PTPRD: variants seen among roughly 807,000 people sequenced by gnomAD.
PTPRD encodes the protein receptor-type tyrosine-protein phosphatase delta.
In PTPRD, 34 loss-of-function variants were observed where a neutral mutation model predicts 214.5. The ratio of observed to expected loss-of-function variants is 0.16; its 90% CI spans 0.12 to 0.21. PTPRD has a LOEUF of 0.21. Ranked by LOEUF, PTPRD falls within the 10% of genes least tolerant of loss-of-function variation. The pLI, the probability that PTPRD is intolerant of heterozygous loss-of-function variation, is 1.00. For missense variants in PTPRD, 2,545 were observed against 2,398.7 expected (o/e 1.06, Z -1.27); for synonymous variants, 1,128 against 845.7 (o/e 1.33, Z -5.79).
chr9:9,937,974 A>T (rs1330146604), intron 5 of PTPRD, among the ~76,000 whole-genome samples: 4 of 152,148 alleles, frequency 2.6e-5, no homozygotes, highest in Non-Finnish European at 4.4e-5. Flanking sequence ...GGAGGCAGAG[A>T]TCTTACCTCT....
intron 2 of PTPRD, among the ~76,000 whole-genome samples, chr9:10,464,112 A>G (rs2098977158): frequency 6.6e-6 from 1 of 152,020 alleles, no homozygotes; most frequent in Non-Finnish European, 1.5e-5. Flanking sequence ...AGAAAGAAAA[A>G]TGTGGCCATG....
chr9:9,816,093 T>C (rs549660354), intron 5 of PTPRD, among the ~76,000 whole-genome samples: 1 of 152,154 alleles, frequency 6.6e-6, no homozygotes, highest in Non-Finnish European at 1.5e-5. Context: ...TATTCACCTA[T>C]CATATCACCA....
chr9:10,492,039 G>T (rs147922857), intron 2 of PTPRD, among the ~76,000 whole-genome samples: 1 of 152,234 alleles, frequency 6.6e-6, no homozygotes, highest in East Asian at 1.9e-4. Flanking sequence ...CAAAGGATGT[G>T]AACTCATTGT....
intron 3 of PTPRD, among the ~76,000 whole-genome samples, chr9:10,078,515 A>G (rs1295216056): frequency 6.0e-5 from 5 of 83,484 alleles, no homozygotes; most frequent in South Asian, 3.5e-4. Flanking sequence ...GACTCCATCT[A>G]AAAAAAAAAA....
intron 7 of PTPRD, among the ~76,000 whole-genome samples, chr9:9,663,125 T>G (rs1417738648): frequency 6.6e-6 from 1 of 151,550 alleles, no homozygotes; most frequent in African/African-American, 2.4e-5. Context: ...CATGTAGATA[T>G]TATAGTTAGC....
In PTPRD at chr9:10,193,143, G is replaced by A. The variant is rs76768182; in HGVS notation, c.-545+147820C>T. ...CCCTCCTTTATCAACCCCCTTCCCC[G>A]TTAAATGATCTCTGGTCTTTAGAGA... On this transcript the variant is annotated intron_variant, in intron 3 of 45. Transcript: ENST00000381196. Among the ~76,000 whole-genome samples, 32 of 151,422 alleles carry A rather than the reference G, an allele frequency of 2.1e-4. No homozygotes were observed. The East Asian group carries it at 5.8e-3, about 28-fold the overall frequency.
intron 11 of PTPRD, among the ~76,000 whole-genome samples, chr9:8,886,957 T>C (rs1399126750): frequency 6.6e-6 from 1 of 152,214 alleles, no homozygotes; most frequent in Non-Finnish European, 1.5e-5. Flanking sequence ...AAAAATAATA[T>C]GAAGCTTAAC....
At chr9:10,303,732 A>C (rs2095950224) in intron 3 of PTPRD, among the ~76,000 whole-genome samples, 1 of 152,168 alleles carries the variant, frequency 6.6e-6, no homozygotes. Flanking sequence ...CAATCTCTGA[A>C]TAGACCAATA....
At chr9:8,588,623 A>G (rs746677028) in intron 14 of PTPRD, among the ~76,000 whole-genome samples, 12 of 152,170 alleles carry the variant, frequency 7.9e-5, no homozygotes, top group Non-Finnish European at 1.6e-4. Flanking sequence ...GAGAAAAGAT[A>G]TTTTCATTTT....
chr9:8,410,070 T>C (rs2093389591), intron 35 of PTPRD, among the ~76,000 whole-genome samples: 1 of 152,246 alleles, frequency 6.6e-6, no homozygotes, highest in Non-Finnish European at 1.5e-5. Flanking sequence ...TCTGCAATTA[T>C]GCCTTTTAAA....
chr9:9,288,683 G>A (rs963296529), intron 9 of PTPRD, among the ~76,000 whole-genome samples: 1 of 151,788 alleles, frequency 6.6e-6, no homozygotes, highest in East Asian at 2.0e-4. Flanking sequence ...TACATGCTTT[G>A]TTTTTCTTGG....
chr9:8,836,831 C>G (rs939526406), intron 11 of PTPRD, among the ~76,000 whole-genome samples: 1 of 151,732 alleles, frequency 6.6e-6, no homozygotes, highest in East Asian at 2.0e-4. Context: ...CTCCTGACCT[C>G]GTGATCCACC....
At chr9:9,395,433 C>G (rs1378949503) in intron 9 of PTPRD, among the ~76,000 whole-genome samples, 1 of 152,114 alleles carries the variant, frequency 6.6e-6, no homozygotes, top group Non-Finnish European at 1.5e-5. Context: ...CCAGGTCTAA[C>G]TAGCCTTTTC....
intron 5 of PTPRD, among the ~76,000 whole-genome samples, chr9:9,880,585 G>A (rs887461062): frequency 1.3e-5 from 2 of 151,798 alleles, no homozygotes; most frequent in African/African-American, 4.8e-5. Flanking sequence ...CTTTACCTTG[G>A]CTTCAATGCA....
At chr9:9,631,101 T>A (rs555489589) in intron 7 of PTPRD, among the ~76,000 whole-genome samples, 3 of 151,984 alleles carry the variant, frequency 2.0e-5, no homozygotes, top group Non-Finnish European at 4.4e-5. Flanking sequence ...TGTAATCACA[T>A]AGACAAGGAT....
intron 11 of PTPRD, among the ~76,000 whole-genome samples, chr9:8,994,049 A>G (rs1438299225): frequency 6.6e-6 from 1 of 152,164 alleles, no homozygotes; most frequent in African/African-American, 2.4e-5. Flanking sequence ...CCCACAATGT[A>G]GGATTTAAGC....
chr9:10,487,861 G>C (rs1470200156), intron 2 of PTPRD, among the ~76,000 whole-genome samples: 1 of 150,646 alleles, frequency 6.6e-6, no homozygotes, highest in East Asian at 2.0e-4. Flanking sequence ...AAGGAGACTT[G>C]TAGAGGTACT....
chr9:10,193,322 T>G (rs1463409854), intron 3 of PTPRD, among the ~76,000 whole-genome samples: 1 of 152,120 alleles, frequency 6.6e-6, no homozygotes, highest in Non-Finnish European at 1.5e-5. Context: ...AAAATTCTAC[T>G]CAGACATCCC....
At chr9:9,440,879 C>A (rs1175915780) in intron 8 of PTPRD, among the ~76,000 whole-genome samples, 1 of 151,990 alleles carries the variant, frequency 6.6e-6, no homozygotes, top group Non-Finnish European at 1.5e-5. Flanking sequence ...GTTTAGAATG[C>A]GGAATATTTA....
Sources: gnomAD v4.1 joint callset for allele counts (sites outside exome capture counted in the v4.1 genomes callset) on GRCh38, gnomAD v4.1.1 for gene constraint, MANE v1.5 for transcripts, NCBI Gene and HGNC (gene_info 2026-07-23, HGNC 2026-07-21) for gene names.